Variants in DPP6 observed in about 807,000 individuals in gnomAD.
The protein encoded by DPP6 is A-type potassium channel modulatory protein DPP6.
DPP6 carries 69 observed loss-of-function variants against 122.6 expected under a neutral mutation model. The ratio of observed to expected loss-of-function variants is 0.56; its 90% CI spans 0.46 to 0.69. The LOEUF is 0.69. DPP6 is among the 30% of genes least tolerant of loss of function. DPP6 has a pLI of 0.00. For synonymous variants in DPP6, 418 were observed against 433.1 expected (o/e 0.97, Z 0.43); for missense variants, 928 against 1,116.9 (o/e 0.83, Z 2.41).
At chr7:154,268,831 T>A (rs942128094) in intron 1 of DPP6, among the ~76,000 whole-genome samples, 1 of 151,782 alleles carries the variant, frequency 6.6e-6, no homozygotes, top group Non-Finnish European at 1.5e-5. Context: ...TGATTTTTAA[T>A]CTCACAAAAC....
chr7:153,816,186 A>G, the DPP6 span, among the ~76,000 whole-genome samples: 1 of 152,178 alleles, frequency 6.6e-6, no homozygotes, highest in African/African-American at 2.4e-5. Flanking sequence ...AAGCAATAAA[A>G]GCCAAAAAAT....
chr7:154,477,116 C>A (rs1822813877), intron 3 of DPP6, among the ~76,000 whole-genome samples: 1 of 151,994 alleles, frequency 6.6e-6, no homozygotes. Context: ...TGTCAAAAAC[C>A]AATTATAAAG....
intron 8 of DPP6, among the ~76,000 whole-genome samples, chr7:154,733,995 T>C (rs1266457958): frequency 6.6e-6 from 1 of 152,252 alleles, no homozygotes; most frequent in East Asian, 1.9e-4. Flanking sequence ...CTGCGTGTTG[T>C]GAACAGACCA....
chr7:153,810,151 C>G, the DPP6 span, among the ~76,000 whole-genome samples: 1 of 152,168 alleles, frequency 6.6e-6, no homozygotes, highest in Non-Finnish European at 1.5e-5. Context: ...GGACAAGTAC[C>G]ATGCTTCTCA....
intron 1 of DPP6, among the ~76,000 whole-genome samples, chr7:154,041,801 C>T (rs1799780820): frequency 6.6e-6 from 1 of 151,994 alleles, no homozygotes; most frequent in African/African-American, 2.4e-5. Flanking sequence ...TGTGGCCAGG[C>T]TGGAGTGCAG....
chr7:153,818,314 A>C, the DPP6 span, among the ~76,000 whole-genome samples: 1 of 152,320 alleles, frequency 6.6e-6, no homozygotes, highest in Admixed American at 6.5e-5. Context: ...TAGCTGGATT[A>C]AGCCCTGGAA....
At chr7:154,588,295 G>A in intron 5 of DPP6, 1 of 764,296 alleles carries the variant, frequency 1.3e-6, no homozygotes, top group Non-Finnish European at 2.0e-6. Context: ...CGTGAATACT[G>A]AACTGATAAT....
chr7:154,280,782 T>C (rs1301628116), intron 1 of DPP6, among the ~76,000 whole-genome samples: 1 of 152,106 alleles, frequency 6.6e-6, no homozygotes, highest in Non-Finnish European at 1.5e-5. Context: ...CCTTAATAGA[T>C]CACTCACTTT....
chr7:154,373,406 C>A (rs1038579085), intron 1 of DPP6, among the ~76,000 whole-genome samples: 1 of 152,138 alleles, frequency 6.6e-6, no homozygotes, highest in Admixed American at 6.5e-5. Context: ...CTTCGTGAGG[C>A]GGTTGTGAGG....
intron 1 of DPP6, among the ~76,000 whole-genome samples, chr7:154,389,413 C>T (rs1451456338): frequency 6.6e-6 from 1 of 151,610 alleles, no homozygotes; most frequent in Non-Finnish European, 1.5e-5. Flanking sequence ...ATTTCATCAG[C>T]TCAACAAGTG....
intron 1 of DPP6, among the ~76,000 whole-genome samples, chr7:154,342,981 T>C (rs1298633420): frequency 6.6e-6 from 1 of 152,234 alleles, no homozygotes; most frequent in African/African-American, 2.4e-5. Context: ...CCAATATTGA[T>C]GTGCCTCACT....
chr7:154,172,884 A>G (rs1469367693), intron 1 of DPP6, among the ~76,000 whole-genome samples: 1 of 152,162 alleles, frequency 6.6e-6, no homozygotes, highest in Admixed American at 6.5e-5. Context: ...TACAAGTATG[A>G]GCCACTGCGC....
In DPP6 at chr7:154,641,679, T is replaced by C. The variant is rs981146730; in HGVS notation, c.680+3806T>C. 7.9e-5 allele frequency among the ~76,000 whole-genome samples: 12 copies of C among 152,350 alleles called. No individual in the cohort carries two copies. In the East Asian group the frequency reaches 2.3e-3, roughly 29 times the overall value. ...TACACACTTTTAATAATAGTAATAATATATTTCTAAAATGTAGTCTCATAT... is the reference window on the plus strand; with the variant it reads ...TACACACTTTTAATAATAGTAATAACATATTTCTAAAATGTAGTCTCATAT... On this transcript the variant is annotated intron_variant, in intron 6 of 25. Transcript: ENST00000377770.
intron 2 of DPP6, among the ~76,000 whole-genome samples, chr7:154,465,814 C>A (rs1306527089): frequency 6.6e-6 from 1 of 152,156 alleles, no homozygotes; most frequent in East Asian, 1.9e-4. Flanking sequence ...CCTCAAGGAT[C>A]TAGAACTAGA....
At chr7:154,865,401 C>T (rs1039253099) in intron 17 of DPP6, 1 of 152,238 alleles carries the variant, frequency 6.6e-6, no homozygotes, top group East Asian at 1.9e-4. Flanking sequence ...GAGATGACCT[C>T]ATGAGATCGA....
chr7:154,665,028 G>A (rs554675929), intron 6 of DPP6, among the ~76,000 whole-genome samples: 4 of 152,230 alleles, frequency 2.6e-5, no homozygotes, highest in East Asian at 3.9e-4. Context: ...GCCTTTAGAT[G>A]TTCTTTCTTC....
intron 1 of DPP6, among the ~76,000 whole-genome samples, chr7:154,225,963 G>T (rs2150839293): frequency 7.2e-6 from 1 of 138,532 alleles, no homozygotes; most frequent in African/African-American, 3.4e-5. Flanking sequence ...GGCAATTCAT[G>T]TTACCCACTT....
chr7:154,775,234 T>G (rs13242212), intron 10 of DPP6, among the ~76,000 whole-genome samples: 32,389 of 152,110 alleles, frequency 0.21, 4,523 homozygotes, highest in Non-Finnish European at 0.31. Context: ...TGCTTCAGTT[T>G]CCTCATCTGT....
At chr7:154,873,056 C>T (rs2150642562) in intron 19 of DPP6, among the ~76,000 whole-genome samples, 1 of 152,380 alleles carries the variant, frequency 6.6e-6, no homozygotes, top group East Asian at 1.9e-4. Context: ...CTGGGACCCG[C>T]ACCCTGAGCC....
Sources: gnomAD v4.1 joint callset for allele counts (sites outside exome capture counted in the v4.1 genomes callset) on GRCh38, gnomAD v4.1.1 for gene constraint, MANE v1.5 for transcripts, NCBI Gene and HGNC (gene_info 2026-07-23, HGNC 2026-07-21) for gene names.